Variants in ZC4H2 observed in about 807,000 individuals in gnomAD.
ZC4H2 encodes zinc finger C4H2-type containing.
For synonymous variants in ZC4H2, 84 were observed against 66.3 expected (o/e 1.27, Z -1.30); for missense variants, 137 against 173.9 (o/e 0.79, Z 1.19).
At chrX:64,941,251 T>C (rs892981091) in intron 1 of ZC4H2, among the ~76,000 whole-genome samples, 3 of 112,370 alleles carry the variant, frequency 2.7e-5, no homozygotes, top group Non-Finnish European at 3.8e-5. Flanking sequence ...TTTTCTATCC[T>C]GAGACTTTGC....
At chrX:64,989,092 A>G (rs767607785) in intron 1 of ZC4H2, among the ~76,000 whole-genome samples, 1 of 112,125 alleles carries the variant, frequency 8.9e-6, no homozygotes, top group South Asian at 3.7e-4. Flanking sequence ...CTGTTTTGGT[A>G]CCAGTACCAT....
intron 1 of ZC4H2, among the ~76,000 whole-genome samples, chrX:64,931,407 G>C (rs911982020): frequency 2.7e-5 from 3 of 111,073 alleles, no homozygotes; most frequent in Non-Finnish European, 3.8e-5. Flanking sequence ...AGTTTAGTTT[G>C]TTCTTGTTTC....
chrX:64,939,932 G>C (rs1930190398), intron 1 of ZC4H2, among the ~76,000 whole-genome samples: 1 of 111,365 alleles, frequency 9.0e-6, no homozygotes, highest in Non-Finnish European at 1.9e-5. Flanking sequence ...ATTGACAAAA[G>C]GGATCTAACT....
At chrX:65,030,083 AT>A (rs1932919443) in intron 1 of ZC4H2, among the ~76,000 whole-genome samples, 2 of 111,723 alleles carry the variant, frequency 1.8e-5, no homozygotes, top group African/African-American at 6.5e-5. Flanking sequence ...AATTCTAGGA[AT>A]TACTTCAATT....
At chrX:64,975,734 G>A (rs766100265) in intron 1 of ZC4H2, among the ~76,000 whole-genome samples, 30 of 111,386 alleles carry the variant, frequency 2.7e-4, no homozygotes, top group Non-Finnish European at 5.3e-4. Flanking sequence ...CGCAGCGACC[G>A]CGTCCCCAGT....
intron 1 of ZC4H2, among the ~76,000 whole-genome samples, chrX:64,994,591 G>T (rs755041507): frequency 1.8e-5 from 2 of 111,696 alleles, no homozygotes; most frequent in Non-Finnish European, 3.8e-5. Context: ...CTTCATGGTT[G>T]AAAGTCAGGT....
intron 1 of ZC4H2, among the ~76,000 whole-genome samples, chrX:65,013,580 C>G (rs771642307): frequency 4.4e-4 from 49 of 111,387 alleles, no homozygotes; most frequent in Admixed American, 3.6e-3. Context: ...TAATGGCAGT[C>G]TCTCTTCAAT....
chrX:64,952,646 C>T (rs866312403), intron 1 of ZC4H2, among the ~76,000 whole-genome samples: 1 of 110,797 alleles, frequency 9.0e-6, no homozygotes, highest in Admixed American at 9.7e-5. Context: ...GAACTACAAA[C>T]CACTGCTCAA....
At chrX:64,964,232 T>A (rs1185219708) in intron 1 of ZC4H2, among the ~76,000 whole-genome samples, 1 of 110,615 alleles carries the variant, frequency 9.0e-6, no homozygotes, top group African/African-American at 3.3e-5. Context: ...TAAATCAAAT[T>A]AAATTAAATT....
chrX:65,034,223 C>G (rs1219604041), intron 1 of ZC4H2, among the ~76,000 whole-genome samples: 1 of 111,326 alleles, frequency 9.0e-6, no homozygotes, highest in African/African-American at 3.3e-5. Flanking sequence ...TTCATTTGAT[C>G]ACTGGTAGAA....
chrX:64,957,237 T>C (rs1185287781), intron 1 of ZC4H2, among the ~76,000 whole-genome samples: 1 of 112,201 alleles, frequency 8.9e-6, no homozygotes. Flanking sequence ...GTTGTTTCTG[T>C]ACCTCACTTC....
chrX:64,931,754 CTTG>C (rs933633066), intron 1 of ZC4H2, among the ~76,000 whole-genome samples: 5 of 111,137 alleles, frequency 4.5e-5, no homozygotes, highest in East Asian at 2.8e-4. Context: ...TTTATAGAAA[CTTG>C]TTGTGTGACC....
chrX:65,005,371 A>G (rs1932634470), intron 1 of ZC4H2, among the ~76,000 whole-genome samples: 1 of 111,703 alleles, frequency 9.0e-6, no homozygotes, highest in Non-Finnish European at 1.9e-5. Flanking sequence ...TGATACTGGT[A>G]CCAAAACAGA....
chrX:64,922,621 T>C (rs1324558975), intron 1 of ZC4H2, among the ~76,000 whole-genome samples: 10 of 112,417 alleles, frequency 8.9e-5, no homozygotes, highest in South Asian at 3.7e-4. Flanking sequence ...AGCCTCTCAA[T>C]GCCCAGGAAA....
At chrX:65,014,406 C>T (rs1039765083) in intron 1 of ZC4H2, among the ~76,000 whole-genome samples, 6 of 111,493 alleles carry the variant, frequency 5.4e-5, no homozygotes, top group African/African-American at 2.0e-4. Flanking sequence ...GCTATGGTTC[C>T]CATGGTGTCA....
intron 1 of ZC4H2, among the ~76,000 whole-genome samples, chrX:64,964,185 T>C (rs1455898593): frequency 9.1e-6 from 1 of 109,410 alleles, no homozygotes; most frequent in Non-Finnish European, 1.9e-5. Flanking sequence ...TCTCAAGTTC[T>C]GTGACCTTAC....
At chrX:65,024,108 G>T (rs977648253) in intron 1 of ZC4H2, among the ~76,000 whole-genome samples, 1 of 110,086 alleles carries the variant, frequency 9.1e-6, no homozygotes, top group East Asian at 2.9e-4. Flanking sequence ...GCCTATCGGC[G>T]GGTGGGGGGG....
chrX:65,028,679 G>A (rs1324333942), intron 1 of ZC4H2, among the ~76,000 whole-genome samples: 1 of 110,677 alleles, frequency 9.0e-6, no homozygotes, highest in African/African-American at 3.3e-5. Context: ...CCACAGACGT[G>A]AGCCACTATG....
intron 1 of ZC4H2, among the ~76,000 whole-genome samples, chrX:64,987,254 T>A (rs1236538666): frequency 9.0e-6 from 1 of 111,223 alleles, no homozygotes; most frequent in Non-Finnish European, 1.9e-5. Flanking sequence ...TTCTAAAATT[T>A]ATATAGAAAG....
Sources: allele counts gnomAD v4.1 joint callset (sites outside exome capture counted in the v4.1 genomes callset), GRCh38; gene constraint gnomAD v4.1.1; transcripts MANE v1.5; gene names NCBI Gene and HGNC (gene_info 2026-07-23, HGNC 2026-07-21).